PAAF1: variants seen among roughly 807,000 people sequenced by gnomAD.
PAAF1 encodes the protein proteasomal ATPase associated factor 1.
PAAF1 carries 46 observed loss-of-function variants against 52.8 expected under a neutral mutation model. The ratio of observed to expected loss-of-function variants is 0.87; its 90% CI spans 0.69 to 1.11. The LOEUF is 1.11. Ranked by LOEUF, PAAF1 falls within the 50% of genes most tolerant of loss-of-function variation. PAAF1 has a pLI of 0.00. For synonymous variants in PAAF1, 178 were observed against 172.8 expected (o/e 1.03, Z -0.24); for missense variants, 424 against 477.4 (o/e 0.89, Z 1.04).
rs1454515874 is a variant in PAAF1, at chr11:73,916,651, G to A, written c.926G>A (p.Arg309Lys). The A allele has an allele frequency of 6.2e-7, 1 of 1,612,550 alleles. No individual in the cohort carries two copies. The highest frequency in any genetic ancestry group is 1.3e-5 in the African/African-American group (1 of 74,886). ...QDGNIYQLDV[R>K]SPRAPVQVIH... The stretch of plus-strand genomic sequence containing the variant: ...GGAAACATTTATCAGCTGGATGTGA[G>A]GAGTCCAAGGTGAGTCACCATTCAT... The change falls in exon 9 of 12, where the codon AGG becomes AAG. Residue 309 changes from arginine (R) to lysine (K), a missense_variant. Arg to Lys is a conservative substitution (Grantham distance 26, BLOSUM62 2). Transcript: ENST00000310571.
intron 4 of PAAF1, among the ~76,000 whole-genome samples, chr11:73,896,174 T>C (rs1214052174): frequency 6.6e-6 from 1 of 150,942 alleles, no homozygotes; most frequent in African/African-American, 2.4e-5. Flanking sequence ...AATTTCTCTA[T>C]TCTTTATTCT....
chr11:73,898,189 G>A (rs1056443880), intron 4 of PAAF1, among the ~76,000 whole-genome samples: 1 of 145,778 alleles, frequency 6.9e-6, no homozygotes, highest in African/African-American at 2.5e-5. Flanking sequence ...GAGGGAGACC[G>A]TGGGGAGAGG....
chr11:73,916,325 T>C (rs1346982770), intron 8 of PAAF1, among the ~76,000 whole-genome samples: 4 of 135,138 alleles, frequency 3.0e-5, no homozygotes, highest in Non-Finnish European at 6.6e-5. Context: ...GTATATTATA[T>C]AACCTGCTCA....
At chr11:73,910,951 T>C (rs1241775994) in intron 7 of PAAF1, among the ~76,000 whole-genome samples, 4 of 146,164 alleles carry the variant, frequency 2.7e-5, no homozygotes, top group Admixed American at 6.9e-5. Flanking sequence ...GATCGCTCCA[T>C]TGCACTCCAG....
chr11:73,888,229 A>G (rs1356680059), intron 3 of PAAF1, among the ~76,000 whole-genome samples: 1 of 152,306 alleles, frequency 6.6e-6, no homozygotes, highest in South Asian at 2.1e-4. Context: ...TTTTTATTAG[A>G]AATACTTGAT....
intron 10 of PAAF1, among the ~76,000 whole-genome samples, chr11:73,923,867 T>C (rs1950289811): frequency 6.6e-6 from 1 of 152,194 alleles, no homozygotes; most frequent in African/African-American, 2.4e-5. Flanking sequence ...TCCTAGTGTA[T>C]ACAGTCAAAT....
upstream of PAAF1, chr11:73,876,827 G>A: frequency 2.0e-6 from 1 of 500,360 alleles, no homozygotes; most frequent in Non-Finnish European, 3.2e-6. Flanking sequence ...GGCGGTTGGG[G>A]ATCCTCTGTA....
chr11:73,914,011 G>A (rs1011607506), intron 7 of PAAF1, among the ~76,000 whole-genome samples: 1 of 152,058 alleles, frequency 6.6e-6, no homozygotes, highest in African/African-American at 2.4e-5. Flanking sequence ...GTTTGTGCTT[G>A]TGAATGGCCC....
chr11:73,907,585 C>T (rs1307008098), intron 6 of PAAF1, among the ~76,000 whole-genome samples: 3 of 152,146 alleles, frequency 2.0e-5, no homozygotes, highest in African/African-American at 7.2e-5. Context: ...CCTGTCACTG[C>T]CAGGTGGGGA....
intron 2 of PAAF1, among the ~76,000 whole-genome samples, chr11:73,880,863 G>A (rs1417721506): frequency 6.6e-6 from 1 of 151,922 alleles, no homozygotes; most frequent in Non-Finnish European, 1.5e-5. Context: ...ACCTGGGCGT[G>A]GTGGTGCATG....
At chr11:73,898,501 A>G (rs980453799) in intron 4 of PAAF1, among the ~76,000 whole-genome samples, 7 of 151,952 alleles carry the variant, frequency 4.6e-5, no homozygotes, top group Admixed American at 4.6e-4. Flanking sequence ...CACAGGTGTG[A>G]GCCACTGCAC....
intron 6 of PAAF1, among the ~76,000 whole-genome samples, 156 bp from the exon 7 acceptor site, chr11:73,909,241 CTA>C (rs1192479563): frequency 6.6e-6 from 1 of 152,180 alleles, no homozygotes; most frequent in Non-Finnish European, 1.5e-5. Context: ...AGCTGGGACT[CTA>C]TTTCTGTTTT....
At chr11:73,883,723 G>C (rs1948981324) in intron 2 of PAAF1, among the ~76,000 whole-genome samples, 1 of 152,056 alleles carries the variant, frequency 6.6e-6, no homozygotes, top group Admixed American at 6.6e-5. Flanking sequence ...GTTTCGACAT[G>C]TTGGCCAGGC....
chr11:73,924,181 A>G (rs191154344), intron 10 of PAAF1, among the ~76,000 whole-genome samples: 1 of 152,284 alleles, frequency 6.6e-6, no homozygotes, highest in East Asian at 1.9e-4. Flanking sequence ...TAGGCCGGGT[A>G]TGGTGGCTCA....
chr11:73,884,571 A>T (rs1169824778), intron 2 of PAAF1, among the ~76,000 whole-genome samples: 1 of 152,238 alleles, frequency 6.6e-6, no homozygotes. Context: ...ATGATGCACC[A>T]TGAGGGCCAG....
intron 2 of PAAF1, chr11:73,886,916 T>C (rs183320564): frequency 8.0e-4 from 308 of 383,916 alleles, no homozygotes; most frequent in Non-Finnish European, 1.8e-4. Context: ...CACTCTGTTC[T>C]TTCCTGAGAA....
intron 6 of PAAF1, among the ~76,000 whole-genome samples, chr11:73,905,256 C>T (rs1949725119): frequency 6.6e-6 from 1 of 151,810 alleles, no homozygotes; most frequent in Non-Finnish European, 1.5e-5. Flanking sequence ...CAGAATCTCA[C>T]TCTGTTGCCC....
chr11:73,924,411 A>G (rs995261779), intron 10 of PAAF1, among the ~76,000 whole-genome samples: 2 of 151,924 alleles, frequency 1.3e-5, no homozygotes, highest in African/African-American at 4.8e-5. Flanking sequence ...ATGCCATTGT[A>G]CTCTAGCCTG....
intron 4 of PAAF1, among the ~76,000 whole-genome samples, chr11:73,891,657 C>A (rs556154739): frequency 6.6e-6 from 1 of 152,076 alleles, no homozygotes; most frequent in Non-Finnish European, 1.5e-5. Context: ...TACCTGTAGT[C>A]CTAGCTACTC....
Sources: gnomAD v4.1 joint callset for allele counts (sites outside exome capture counted in the v4.1 genomes callset) on GRCh38, gnomAD v4.1.1 for gene constraint, MANE v1.5 for transcripts, NCBI Gene and HGNC (gene_info 2026-07-23, HGNC 2026-07-21) for gene names.